The following SAMD5 variants were observed in gnomAD, a reference collection of about 807,000 sequenced individuals.
SAMD5 encodes the protein sterile alpha motif domain containing 5.
A neutral mutation model predicts 11.3 loss-of-function variants in SAMD5; 13 were observed. The ratio of observed to expected loss-of-function variants is 1.15; its 90% CI spans 0.75 to 1.83. The LOEUF is 1.83. Among genes scored for constraint, SAMD5 ranks in the 40% most tolerant of loss-of-function variants. The probability of loss-of-function intolerance (pLI) is 0.00; values close to 1 mark genes in which losing one functional copy is unlikely to be tolerated. For synonymous variants in SAMD5, 129 were observed against 111.3 expected, an observed-to-expected ratio of 1.16 and a Z score of -1.00; for missense variants, 255 against 239.1, an observed-to-expected ratio of 1.07 and a Z score of -0.44.
chr6:147,517,237 G>A (rs1788184697), intron 1 of SAMD5, among the ~76,000 whole-genome samples: 2 of 152,250 alleles, frequency 1.3e-5, no homozygotes, highest in Non-Finnish European at 2.9e-5. Context: ...ATGACATAGT[G>A]CTGGAGAGGT....
intron 1 of SAMD5, chr6:147,730,139 A>G (rs1201834564): frequency 2.3e-6 from 1 of 425,958 alleles, no homozygotes; most frequent in Admixed American, 2.9e-5. Context: ...AGCAGAGTGA[A>G]AGAGAGGGAG....
At chr6:147,904,091 C>T in the SAMD5 span, among the ~76,000 whole-genome samples, 2 of 152,154 alleles carry the variant, frequency 1.3e-5, no homozygotes, top group Non-Finnish European at 2.9e-5. Context: ...AGCCTCTTAA[C>T]CAATCTCTAC....
chr6:147,815,037 C>A, the SAMD5 span, among the ~76,000 whole-genome samples: 3 of 152,128 alleles, frequency 2.0e-5, no homozygotes, highest in Non-Finnish European at 4.4e-5. Flanking sequence ...GGGCTGAGTG[C>A]CATCCAATAG....
At chr6:147,854,227 A>G in the SAMD5 span, among the ~76,000 whole-genome samples, 1,814 of 152,258 alleles carry the variant, frequency 0.012, 43 homozygotes, top group African/African-American at 0.041. Flanking sequence ...GCTTGACACA[A>G]TCTTGGTGGG....
the SAMD5 span, among the ~76,000 whole-genome samples, chr6:147,950,754 T>C: frequency 6.6e-6 from 1 of 152,210 alleles, no homozygotes; most frequent in East Asian, 1.9e-4. Context: ...TTGGAAACAG[T>C]CTGTTCCCGA....
At chr6:147,614,653 G>A (rs1789839294) in intron 1 of SAMD5, among the ~76,000 whole-genome samples, 1 of 151,866 alleles carries the variant, frequency 6.6e-6, no homozygotes, top group African/African-American at 2.4e-5. Flanking sequence ...GCTGGAAAGT[G>A]GTTACCGGAG....
chr6:147,542,590 C>G (rs1788624506), intron 1 of SAMD5, among the ~76,000 whole-genome samples: 1 of 152,064 alleles, frequency 6.6e-6, no homozygotes, highest in Non-Finnish European at 1.5e-5. Context: ...TTGAAGCTGT[C>G]TTTTTGCGCT....
chr6:147,625,255 A>T (rs1357221088), intron 1 of SAMD5, among the ~76,000 whole-genome samples: 1 of 152,152 alleles, frequency 6.6e-6, no homozygotes, highest in Non-Finnish European at 1.5e-5. Context: ...TGGTGTTTCC[A>T]CTGTTTGGGT....
At chr6:147,630,348 A>G (rs1339756296) in intron 1 of SAMD5, among the ~76,000 whole-genome samples, 1 of 152,180 alleles carries the variant, frequency 6.6e-6, no homozygotes, top group East Asian at 1.9e-4. Context: ...TTGATGTGAG[A>G]GAGACTTGTG....
chr6:147,649,468 C>T (rs182768398), intron 1 of SAMD5, among the ~76,000 whole-genome samples: 27 of 152,200 alleles, frequency 1.8e-4, no homozygotes, highest in African/African-American at 6.0e-4. Context: ...GGGATGTATG[C>T]TCAATGAATG....
At chr6:147,874,467 G>T in the SAMD5 span, among the ~76,000 whole-genome samples, 1 of 151,960 alleles carries the variant, frequency 6.6e-6, no homozygotes, top group Non-Finnish European at 1.5e-5. Flanking sequence ...GGACCGAGAA[G>T]CCCGTTGTTG....
intron 1 of SAMD5, 102 bp downstream of exon 1, chr6:147,509,489 G>A: frequency 2.0e-6 from 2 of 1,002,388 alleles, no homozygotes; most frequent in Non-Finnish European, 2.8e-6. Context: ...TGACGACGGA[G>A]AGGCCAGGAG....
At chr6:147,811,851 A>G in the SAMD5 span, among the ~76,000 whole-genome samples, 2 of 152,232 alleles carry the variant, frequency 1.3e-5, no homozygotes, top group Non-Finnish European at 2.9e-5. Flanking sequence ...CTTAAGTTAG[A>G]GATGCCATCT....
chr6:147,689,700 A>G (rs1791072109), intron 1 of SAMD5, among the ~76,000 whole-genome samples: 1 of 152,218 alleles, frequency 6.6e-6, no homozygotes, highest in South Asian at 2.1e-4. Flanking sequence ...TAGGAAAACA[A>G]TCACTTATTG....
At chr6:147,913,901 A>T in the SAMD5 span, among the ~76,000 whole-genome samples, 1 of 152,164 alleles carries the variant, frequency 6.6e-6, no homozygotes, top group African/African-American at 2.4e-5. Context: ...TTCCTAATTC[A>T]CTCACCACTG....
the SAMD5 span, among the ~76,000 whole-genome samples, chr6:147,889,935 G>A: frequency 1.3e-5 from 2 of 152,104 alleles, no homozygotes; most frequent in African/African-American, 4.8e-5. Flanking sequence ...TTTGGCATTG[G>A]TGTCCCTAAA....
At position 147,580,543 on chromosome 6, in the gene SAMD5, G is replaced by A. The variant is rs535294605; in HGVS notation, c.162+71156G>A. On this transcript the variant is annotated intron_variant, in intron 1 of 1. Transcript: ENST00000566741. ...TAATGATGGAAATGTTCTATTCTGC[G>A]CTGGTCACTGGGGTAGCCCCTAGCT... Among the ~76,000 whole-genome samples the A allele has an allele frequency of 1.4e-4, 22 of 152,248 alleles. No homozygotes were observed. The East Asian group carries it at 3.3e-3, about 23-fold the overall frequency.
intron 1 of SAMD5, among the ~76,000 whole-genome samples, chr6:147,610,973 T>G (rs138039714): frequency 1.4e-4 from 21 of 151,400 alleles, no homozygotes; most frequent in African/African-American, 5.1e-4. Context: ...GAGTTCAAGC[T>G]ATTCTCCTGC....
chr6:147,569,478 C>T lies in SAMD5; in HGVS notation c.*5022C>T. 1 of 910,114 alleles carries T rather than the reference C, an allele frequency of 1.1e-6. No homozygotes were observed. Among genetic ancestry groups the T allele is most frequent in the Non-Finnish European group, 1.3e-6 (1 of 761,336 alleles). 56.4% of individuals were successfully genotyped at this position (910,114 alleles called of 1,614,324 possible). ...AGGAAATAAATCTACAATAAATCTA[C>T]TTTCTAAATATTATTTAAGATGGGA... is the stretch of plus-strand genomic sequence containing the variant. On this transcript the variant is annotated 3_prime_UTR_variant, in exon 2 of 2. Transcript: ENST00000367474.
Sources: allele counts gnomAD v4.1 joint callset (sites outside exome capture counted in the v4.1 genomes callset), GRCh38; gene constraint gnomAD v4.1.1; transcripts MANE v1.5; gene names NCBI Gene and HGNC (gene_info 2026-07-23, HGNC 2026-07-21).